The following UTRN variants were observed in gnomAD, a reference collection of about 807,000 sequenced individuals.
UTRN encodes utrophin, also known as dystrophin-related protein 1.
UTRN carries 283 observed loss-of-function variants against 463.9 expected under a neutral mutation model. That is an observed-to-expected ratio of 0.61 (90% CI 0.55 to 0.67). The LOEUF (loss-of-function observed/expected upper bound fraction) is 0.67. Ranked by LOEUF, UTRN falls within the 30% of genes least tolerant of loss-of-function variation. The probability of loss-of-function intolerance (pLI) is 0.00; values close to 1 mark genes in which losing one functional copy is unlikely to be tolerated. For synonymous variants in UTRN, 1,442 were observed against 1,431.5 expected (o/e 1.01, Z -0.17); for missense variants, 3,922 against 4,084.3 (o/e 0.96, Z 1.08).
intron 51 of UTRN, among the ~76,000 whole-genome samples, chr6:144,581,101 T>C (rs1801928968): frequency 1.3e-5 from 2 of 152,218 alleles, no homozygotes; most frequent in African/African-American, 4.8e-5. Flanking sequence ...TTTGACTTTG[T>C]TGAAATGAAG....
intron 25 of UTRN, 137 bp from the exon 26 acceptor site, chr6:144,479,675 A>T (rs918600295): frequency 1.0e-6 from 1 of 998,308 alleles, no homozygotes; most frequent in Non-Finnish European, 1.4e-6. Flanking sequence ...CATGAGATGT[A>T]TGAGATTTTA....
At chr6:144,731,327 T>C (rs1335956240) in intron 54 of UTRN, among the ~76,000 whole-genome samples, 1 of 152,156 alleles carries the variant, frequency 6.6e-6, no homozygotes, top group Non-Finnish European at 1.5e-5. Flanking sequence ...GGGTCCAATA[T>C]ATATCTGTAT....
intron 48 of UTRN, 93 bp from the exon 49 acceptor site, chr6:144,554,595 A>G (rs1443583734): frequency 1.5e-6 from 2 of 1,354,690 alleles, no homozygotes; most frequent in African/African-American, 1.5e-5. Flanking sequence ...CTGTTTATAG[A>G]CTTATTTGTG....
chr6:144,765,165 C>T (rs1793152667), intron 58 of UTRN, among the ~76,000 whole-genome samples: 2 of 152,136 alleles, frequency 1.3e-5, no homozygotes. Context: ...CAATTTAGTA[C>T]CCTCAAGACA....
Position 144,618,706 on chromosome 6 carries a change from C to T in UTRN, c.7479+41418C>T, listed in dbSNP as rs535800357. On this transcript the variant is annotated intron_variant, in intron 51 of 74. Transcript: ENST00000367545. Reference sequence around the variant, plus strand: ...TACTATGTACTTGGCACAATGATAACCTTTTCCCAGTTCTTTTACTCTGTT... The same window carrying T: ...TACTATGTACTTGGCACAATGATAATCTTTTCCCAGTTCTTTTACTCTGTT... Among the ~76,000 whole-genome samples, 52 of 152,100 alleles carry T rather than the reference C, an allele frequency of 3.4e-4. 2 individuals carry two copies. The highest frequency in any genetic ancestry group is 3.4e-3 in the Middle Eastern group (1 of 294).
intron 68 of UTRN, 147 bp downstream of exon 68, chr6:144,827,823 C>T: frequency 1.0e-6 from 1 of 975,000 alleles, no homozygotes; most frequent in Non-Finnish European, 1.5e-6. Context: ...TTTGGGCTCT[C>T]ATATTTTCAT....
At chr6:144,452,284 T>G (rs1246707414) in intron 18 of UTRN, among the ~76,000 whole-genome samples, 1 of 152,218 alleles carries the variant, frequency 6.6e-6, no homozygotes, top group African/African-American at 2.4e-5. Context: ...CAGTAAACTT[T>G]GTGAAAATCA....
chr6:144,759,954 TATC>T (rs1792463857), intron 58 of UTRN, among the ~76,000 whole-genome samples: 2 of 152,208 alleles, frequency 1.3e-5, no homozygotes, highest in African/African-American at 2.4e-5. Flanking sequence ...TAGAGTCTTT[TATC>T]ATCTGATTTT....
At chr6:144,620,517 T>A (rs1401971114) in intron 51 of UTRN, among the ~76,000 whole-genome samples, 1 of 152,134 alleles carries the variant, frequency 6.6e-6, no homozygotes, top group East Asian at 1.9e-4. Flanking sequence ...GATGTTAAAT[T>A]TCTGCCATCA....
chr6:144,558,189 TA>T (rs1342102592), intron 50 of UTRN, among the ~76,000 whole-genome samples: 2 of 152,218 alleles, frequency 1.3e-5, no homozygotes, highest in Non-Finnish European at 2.9e-5. Context: ...TTGACATGGA[TA>T]CGTTTTATAC....
chr6:144,595,614 C>T (rs1259012917), intron 51 of UTRN, among the ~76,000 whole-genome samples: 1 of 152,130 alleles, frequency 6.6e-6, no homozygotes, highest in Non-Finnish European at 1.5e-5. Context: ...GTCTTCAGAG[C>T]AGGACTAATA....
At chr6:144,564,568 G>A (rs902279545) in intron 50 of UTRN, among the ~76,000 whole-genome samples, 4 of 152,162 alleles carry the variant, frequency 2.6e-5, no homozygotes, top group African/African-American at 9.7e-5. Flanking sequence ...CTGACTTATA[G>A]TTCAGCATGG....
At chr6:144,375,758 G>A (rs375168819) in intron 2 of UTRN, among the ~76,000 whole-genome samples, 7 of 152,292 alleles carry the variant, frequency 4.6e-5, no homozygotes, top group African/African-American at 1.7e-4. Context: ...GCGGCTGCCT[G>A]GGTGTTGCTT....
intron 53 of UTRN, among the ~76,000 whole-genome samples, chr6:144,707,621 T>G (rs1785224764): frequency 6.6e-6 from 1 of 152,218 alleles, no homozygotes; most frequent in Non-Finnish European, 1.5e-5. Context: ...AGCCAGTCTC[T>G]GGAGGATATG....
chr6:144,480,205 A>C (rs573226950), intron 26 of UTRN, among the ~76,000 whole-genome samples: 48 of 152,334 alleles, frequency 3.2e-4, no homozygotes, highest in Non-Finnish European at 6.6e-4. Context: ...TGAGTCCATG[A>C]GGGCCCATGA....
chr6:144,821,019 G>T lies in UTRN; in HGVS notation c.9494+1G>T. 1 of 1,611,864 alleles carries T rather than the reference G, an allele frequency of 6.2e-7. No homozygotes were observed. The highest frequency in any genetic ancestry group is 8.5e-7 in the Non-Finnish European group (1 of 1,179,206). On this transcript the variant is annotated splice_donor_variant, in intron 66 of 74. Coordinates refer to ENST00000367545, the MANE Select transcript of UTRN (RefSeq NM_007124.3). LOFTEE classifies it high-confidence loss of function. Reference sequence around the variant, plus strand: ...TTCTTGAAGGTGACAACTTAGAGACGTAAGTTTGATTTTAATATTAAATCT... The same window carrying T: ...TTCTTGAAGGTGACAACTTAGAGACTTAAGTTTGATTTTAATATTAAATCT...
intron 51 of UTRN, among the ~76,000 whole-genome samples, chr6:144,650,635 G>T (rs1482069707): frequency 6.6e-6 from 1 of 152,188 alleles, no homozygotes; most frequent in Non-Finnish European, 1.5e-5. Flanking sequence ...CATAGGCCGG[G>T]CGCCGTGGCT....
rs1298146534 is a variant in UTRN at position 144,462,769 on chromosome 6, T to C, written c.2969T>C (p.Phe990Ser). The C allele has an allele frequency of 6.2e-7, 1 of 1,611,874 alleles. No homozygotes were observed. Among genetic ancestry groups the C allele is most frequent in the East Asian group, 2.2e-5 (1 of 44,846 alleles). ...PDVEKLYKQE[F>S]DDVQGKWNKL... ...GTAGAAAAATTATATAAGCAAGAATTTGATGATGTGCAAGGAAAGTGGAAC... is the reference window on the plus strand; with the variant it reads ...GTAGAAAAATTATATAAGCAAGAATCTGATGATGTGCAAGGAAAGTGGAAC... The change falls in exon 23 of 75, where the codon TTT becomes TCT. Residue 990 changes from phenylalanine to serine, a missense_variant. Around this residue, in one of 3 missense-constraint regions of UTRN, gnomAD observed 2,349 missense variants for 2,303.8 expected, o/e 1.02. Coordinates refer to ENST00000367545, the MANE Select transcript of UTRN (RefSeq NM_007124.3).
At chr6:144,768,221 T>C (rs1337835350) in intron 58 of UTRN, among the ~76,000 whole-genome samples, 4 of 151,228 alleles carry the variant, frequency 2.6e-5, no homozygotes, top group African/African-American at 9.8e-5. Flanking sequence ...TGTTTTACTT[T>C]CTGTGGCTTA....
Sources: allele counts gnomAD v4.1 joint callset (sites outside exome capture counted in the v4.1 genomes callset), GRCh38; gene constraint gnomAD v4.1.1; regional missense constraint gnomAD v4.1.1; transcripts MANE v1.5; gene names NCBI Gene and HGNC (gene_info 2026-07-23, HGNC 2026-07-21).